The following UMAD1 variants were observed in gnomAD, a reference collection of about 807,000 sequenced individuals.
UMAD1 encodes UBAP1-MVB12-associated (UMA)-domain containing protein 1.
In UMAD1, 8 loss-of-function variants were observed where a neutral mutation model predicts 6.1. That is an observed-to-expected ratio of 1.30 (90% confidence interval 0.76 to 2.35). The LOEUF is 2.35. Among genes scored for constraint, UMAD1 ranks in the 30% most tolerant of loss-of-function variants. The probability of loss-of-function intolerance (pLI) is 0.00; values close to 1 mark genes in which losing one functional copy is unlikely to be tolerated. For synonymous variants in UMAD1, 56 were observed against 31.4 expected, an observed-to-expected ratio of 1.78 and a Z score of -2.61; for missense variants, 130 against 78.4, an observed-to-expected ratio of 1.66 and a Z score of -2.49.
At chr7:7,670,131 G>T (rs1475256014) in intron 1 of UMAD1, among the ~76,000 whole-genome samples, 1 of 152,140 alleles carries the variant, frequency 6.6e-6, no homozygotes, top group African/African-American at 2.4e-5. Context: ...TTAAAAACAG[G>T]TTGTTTGTTT....
chr7:7,721,160 C>G (rs746399471), intron 2 of UMAD1, among the ~76,000 whole-genome samples: 26 of 152,174 alleles, frequency 1.7e-4, no homozygotes, highest in Non-Finnish European at 3.4e-4. Context: ...GAGCTTAGCC[C>G]TACTGACAAC....
chr7:7,803,148 A>G lies in UMAD1; in HGVS notation c.156+1405A>G, dbSNP rs111536085. 3.7e-3 allele frequency among the ~76,000 whole-genome samples: 559 copies of G among 152,344 alleles called. 4 individuals carry two copies. The highest frequency in any genetic ancestry group is 0.012 in the African/African-American group (512 of 41,578). On this transcript the variant is annotated intron_variant, in intron 3 of 3. Transcript: ENST00000682710. ...GGACATAGAAAAATGTCCATCTTAT[A>G]TGTTGAAGCAACTTGATCTCTTTCA...
intron 3 of UMAD1, among the ~76,000 whole-genome samples, chr7:7,813,996 T>TA (rs1583845005): frequency 1.3e-5 from 2 of 152,148 alleles, no homozygotes; most frequent in African/African-American, 4.8e-5. Context: ...ATTTATTTTT[T>TA]TTTTTTGAGA....
chr7:7,770,229 T>G (rs73051913), intron 2 of UMAD1, among the ~76,000 whole-genome samples: 10,230 of 152,150 alleles, frequency 0.067, 473 homozygotes, highest in Non-Finnish European at 0.096. Context: ...AAACTTACCT[T>G]CATCACATTC....
At chr7:7,664,482 C>T (rs1423007976) in intron 1 of UMAD1, among the ~76,000 whole-genome samples, 1 of 152,174 alleles carries the variant, frequency 6.6e-6, no homozygotes, top group African/African-American at 2.4e-5. Flanking sequence ...TACAACTCTT[C>T]AGTAATTTAT....
At chr7:7,683,394 A>G (rs554811076) in intron 2 of UMAD1, among the ~76,000 whole-genome samples, 130 of 152,180 alleles carry the variant, frequency 8.5e-4, no homozygotes, top group Admixed American at 1.8e-3. Flanking sequence ...GAAGCACTAC[A>G]GTTCACTCTC....
chr7:7,851,058 A>G (rs1306793211), intron 3 of UMAD1, among the ~76,000 whole-genome samples: 1 of 152,162 alleles, frequency 6.6e-6, no homozygotes, highest in Non-Finnish European at 1.5e-5. Flanking sequence ...TGTAGCTTTG[A>G]TATGTTGGAA....
intron 1 of UMAD1, among the ~76,000 whole-genome samples, chr7:7,672,539 C>G (rs976443675): frequency 6.6e-6 from 1 of 152,074 alleles, no homozygotes; most frequent in Non-Finnish European, 1.5e-5. Context: ...GCCCATGTGT[C>G]GAGGGCAGGA....
chr7:7,730,620 G>C (rs1170447562), intron 2 of UMAD1, among the ~76,000 whole-genome samples: 1 of 152,046 alleles, frequency 6.6e-6, no homozygotes, highest in Non-Finnish European at 1.5e-5. Flanking sequence ...CACCCTCTCT[G>C]CTCCTGATCT....
chr7:7,719,886 A>C (rs1297228505), intron 2 of UMAD1, among the ~76,000 whole-genome samples: 2 of 152,336 alleles, frequency 1.3e-5, no homozygotes, highest in East Asian at 3.9e-4. Flanking sequence ...ACTGTGTTTA[A>C]GTGGTACACT....
chr7:7,769,270 A>G (rs896324726), intron 2 of UMAD1, among the ~76,000 whole-genome samples: 1 of 152,222 alleles, frequency 6.6e-6, no homozygotes, highest in Admixed American at 6.5e-5. Flanking sequence ...TAGGGAGACT[A>G]AGTAGCTTTA....
chr7:7,843,462 C>T (rs1783724570), intron 3 of UMAD1, among the ~76,000 whole-genome samples: 1 of 152,166 alleles, frequency 6.6e-6, no homozygotes, highest in Admixed American at 6.5e-5. Context: ...TTGTGTACCT[C>T]CCTGTTTATT....
intron 3 of UMAD1, among the ~76,000 whole-genome samples, chr7:7,819,433 T>A (rs777790482): frequency 3.3e-5 from 5 of 152,146 alleles, no homozygotes; most frequent in Admixed American, 6.5e-5. Context: ...GCTGCATAAA[T>A]GTGATTTCTG....
chr7:7,781,747 GCTC>G (rs1782350026), intron 2 of UMAD1, among the ~76,000 whole-genome samples: 1 of 151,882 alleles, frequency 6.6e-6, no homozygotes, highest in Non-Finnish European at 1.5e-5. Context: ...TTTTTAGCAA[GCTC>G]TTATTAATGT....
chr7:7,823,747 A>T (rs1167460671), intron 3 of UMAD1, among the ~76,000 whole-genome samples: 1 of 152,184 alleles, frequency 6.6e-6, no homozygotes, highest in African/African-American at 2.4e-5. Context: ...AGGATGATTT[A>T]AAGACAGATT....
chr7:7,793,591 C>T (rs1782612100), intron 2 of UMAD1, among the ~76,000 whole-genome samples: 1 of 152,136 alleles, frequency 6.6e-6, no homozygotes, highest in African/African-American at 2.4e-5. Context: ...TCTTTTTCTT[C>T]TTTATAGATT....
At position 7,726,008 on chromosome 7, in the gene UMAD1, G is replaced by A. The variant is rs112228075; in HGVS notation, c.82+52555G>A. Among the ~76,000 whole-genome samples, 439 of 152,354 alleles carry A rather than the reference G, an allele frequency of 2.9e-3. 1 individual carries two copies. The highest frequency in any genetic ancestry group is 8.9e-3 in the African/African-American group (370 of 41,576). On this transcript the variant is annotated intron_variant, in intron 2 of 3. Coordinates refer to ENST00000682710, the MANE Select transcript of UMAD1 (RefSeq NM_001302348.2). ...AGAACTTTGAGCATTGCACCTGGTT[G>A]TGCACTTTGCATGGAAGGAGAGATG... is the stretch of plus-strand genomic sequence containing the variant.
chr7:7,651,351 T>C (rs777653741), intron 1 of UMAD1, among the ~76,000 whole-genome samples: 3 of 152,116 alleles, frequency 2.0e-5, no homozygotes, highest in Non-Finnish European at 2.9e-5. Context: ...TTGGGGTTTA[T>C]AAGGGTACAG....
chr7:7,713,960 G>A (rs1780829382), intron 2 of UMAD1, among the ~76,000 whole-genome samples: 1 of 152,108 alleles, frequency 6.6e-6, no homozygotes, highest in South Asian at 2.1e-4. Context: ...TTGGCCTCCT[G>A]AGTAGCTGGG....
Sources: allele counts gnomAD v4.1 joint callset (sites outside exome capture counted in the v4.1 genomes callset), GRCh38; gene constraint gnomAD v4.1.1; transcripts MANE v1.5; gene names NCBI Gene and HGNC (gene_info 2026-07-23, HGNC 2026-07-21).